Variants in SPAG6 observed in about 807,000 individuals in gnomAD.
The protein encoded by SPAG6 is sperm associated antigen 6, also known as sperm-associated antigen 6.
SPAG6 carries 49 observed loss-of-function variants against 58.5 expected under a neutral mutation model. The ratio of observed to expected loss-of-function variants is 0.84; its 90% CI spans 0.67 to 1.06. The LOEUF is 1.06. SPAG6 is among the 50% of genes least tolerant of loss of function. The probability of loss-of-function intolerance (pLI) is 0.00; values close to 1 mark genes in which losing one functional copy is unlikely to be tolerated. For missense variants in SPAG6, 560 were observed against 611.3 expected (o/e 0.92, Z 0.89); for synonymous variants, 233 against 225.6 (o/e 1.03, Z -0.29).
chr10:22,395,796 G>T (rs1191462285), intron 8 of SPAG6, among the ~76,000 whole-genome samples: 1 of 152,144 alleles, frequency 6.6e-6, no homozygotes, highest in African/African-American at 2.4e-5. Flanking sequence ...AGGTCATAAA[G>T]ATTTACTCCT....
intron 4 of SPAG6, among the ~76,000 whole-genome samples, chr10:22,374,314 A>C (rs1312757602): frequency 6.6e-6 from 1 of 152,206 alleles, no homozygotes; most frequent in Non-Finnish European, 1.5e-5. Flanking sequence ...CAATAAATTG[A>C]CTAAGACCTC....
chr10:22,374,760 A>G (rs2132063221), intron 4 of SPAG6, among the ~76,000 whole-genome samples: 1 of 151,958 alleles, frequency 6.6e-6, no homozygotes, highest in East Asian at 1.9e-4. Flanking sequence ...TGGGCAACAG[A>G]GTGAGACCCT....
chr10:22,386,795 TTAG>T lies in SPAG6; in HGVS notation c.517_519del (p.Val173del). 6.2e-7 allele frequency: 1 copy of T among 1,613,644 alleles called. No individual in the cohort carries two copies. Among genetic ancestry groups the T allele is most frequent in the Non-Finnish European group, 8.5e-7 (1 of 1,179,638 alleles). ...GGTGGATGCAGGAGCTGTTCCTCTTTTAGTACTCTGTATCCAGGAGCCAGAAAT... is the reference window on the plus strand; with the variant it reads ...GGTGGATGCAGGAGCTGTTCCTCTTTTACTCTGTATCCAGGAGCCAGAAAT... On this transcript the variant is annotated inframe_deletion, in exon 5 of 11. Coordinates refer to ENST00000376624, the MANE Select transcript of SPAG6 (RefSeq NM_012443.4).
chr10:22,364,993 C>G lies in SPAG6; in HGVS notation c.262C>G (p.Leu88Val), dbSNP rs1837154871. ...AVVKCDILPQ[L>V]VYSLAEQNRF... ...TGTGAAGTGCGACATTCTTCCACAG[C>G]TTGTTTATTCATTGGCAGAACAGAA... The change falls in exon 3 of 11, where the codon CTT (leucine) becomes GTT (valine). Residue 88 changes from leucine to valine, a missense_variant. Transcript: ENST00000376624. The G allele has an allele frequency of 3.1e-6, 5 of 1,606,214 alleles. No individual in the cohort carries two copies. The East Asian group carries it at 1.1e-4, about 36-fold the overall frequency.
At chr10:22,409,768 T>G (rs1391542270) in intron 9 of SPAG6, among the ~76,000 whole-genome samples, 1 of 152,114 alleles carries the variant, frequency 6.6e-6, no homozygotes, top group Admixed American at 6.5e-5. Context: ...CCCAGGACCT[T>G]CCTAGTCTGG....
At chr10:22,352,600 C>G (rs1311412937) in intron 2 of SPAG6, among the ~76,000 whole-genome samples, 3 of 152,188 alleles carry the variant, frequency 2.0e-5, no homozygotes, top group African/African-American at 7.2e-5. Context: ...TCACTGCAAC[C>G]TCCACCACCC....
Position 22,364,852 on chromosome 10 carries a change from G to C in SPAG6, c.122-1G>C. ...TTCTGTTCTTTCATAATTTAACTCA[G>C]GTGTAATGTCTTTGCTGAGAACTCT... On this transcript the variant is annotated splice_acceptor_variant, in intron 2 of 10. Coordinates refer to ENST00000376624, the MANE Select transcript of SPAG6 (RefSeq NM_012443.4). LOFTEE classifies it high-confidence loss of function. 1.3e-6 allele frequency: 2 copies of C among 1,597,796 alleles called. No individual in the cohort carries two copies. Among genetic ancestry groups the C allele is most frequent in the Non-Finnish European group, 1.7e-6 (2 of 1,173,868 alleles).
chr10:22,416,409 G>A (rs952545788), intron 10 of SPAG6, among the ~76,000 whole-genome samples: 2 of 152,094 alleles, frequency 1.3e-5, no homozygotes, highest in Non-Finnish European at 2.9e-5. Context: ...TAAATGTTTT[G>A]CTACTTCTGT....
chr10:22,413,715 C>T (rs1376891528), intron 10 of SPAG6, among the ~76,000 whole-genome samples: 1 of 131,710 alleles, frequency 7.6e-6, no homozygotes, highest in African/African-American at 4.4e-5. Context: ...ATATTTCACC[C>T]ACACAGGGCA....
chr10:22,403,962 G>A (rs1371166918), intron 9 of SPAG6, among the ~76,000 whole-genome samples: 6 of 150,920 alleles, frequency 4.0e-5, no homozygotes, highest in Admixed American at 1.3e-4. Context: ...CATGTCCTTC[G>A]CCCACTTTTT....
At position 22,417,029 on chromosome 10, in the gene SPAG6, C is replaced by T. The variant is rs886603484; in HGVS notation, c.*341C>T. The stretch of plus-strand genomic sequence containing the variant: ...AGTTAAGAGATGGCATTCAAAAACC[C>T]TAAATTATTCTAGCCAATTTGTCAT... On this transcript the variant is annotated 3_prime_UTR_variant, in exon 11 of 11. Transcript: ENST00000376624. 2.2e-5 allele frequency: 4 copies of T among 179,598 alleles called. No homozygotes were observed. Among genetic ancestry groups the T allele is most frequent in the African/African-American group, 4.7e-5 (2 of 42,214 alleles). 11.1% of individuals were successfully genotyped at this position (179,598 alleles called of 1,614,324 possible). A position where few individuals can be genotyped will look rare whatever the true frequency, so the allele number is the denominator to read the frequency against.
At chr10:22,406,846 G>T (rs1171553367) in intron 9 of SPAG6, among the ~76,000 whole-genome samples, 3 of 151,806 alleles carry the variant, frequency 2.0e-5, no homozygotes, top group African/African-American at 7.3e-5. Flanking sequence ...ATATATTTAG[G>T]ATAGTTAGCT....
chr10:22,355,226 G>A (rs1182525150), intron 2 of SPAG6, among the ~76,000 whole-genome samples: 1 of 152,156 alleles, frequency 6.6e-6, no homozygotes, highest in Non-Finnish European at 1.5e-5. Flanking sequence ...ATAGACGCGA[G>A]CCATGAAGAG....
At chr10:22,415,993 G>A (rs1834857084) in intron 10 of SPAG6, among the ~76,000 whole-genome samples, 1 of 152,048 alleles carries the variant, frequency 6.6e-6, no homozygotes, top group Non-Finnish European at 1.5e-5. Flanking sequence ...GAATGTAAAT[G>A]TATAGTACTA....
At chr10:22,346,443 T>TTCTTCTTCTTCC in intron 2 of SPAG6, among the ~76,000 whole-genome samples, 1 of 133,094 alleles carries the variant, frequency 7.5e-6, no homozygotes. Context: ...CTTCTTCTTC[T>TTCTTCTTCTTCC]TCTTCTTCTT....
chr10:22,352,987 A>T (rs1046124848), intron 2 of SPAG6, among the ~76,000 whole-genome samples: 1 of 152,138 alleles, frequency 6.6e-6, no homozygotes, highest in Non-Finnish European at 1.5e-5. Flanking sequence ...GCTATCTTCA[A>T]CCTACATTTC....
At chr10:22,389,409 T>A (rs1834136491) in intron 7 of SPAG6, 97 bp downstream of exon 7, 1 of 1,294,312 alleles carries the variant, frequency 7.7e-7, no homozygotes, top group Non-Finnish European at 1.1e-6. Context: ...TATAACTGAC[T>A]GGAGCAAAAA....
rs754559482 is a variant in SPAG6, at chr10:22,391,925, GTGCTTAATTC to G, written c.1197+8_1197+17del. On this transcript the variant is annotated splice_donor_region_variant and intron_variant, in intron 8 of 10. Coordinates refer to ENST00000376624, the MANE Select transcript of SPAG6 (RefSeq NM_012443.4). ...TCTGAGGATCTCCAAGTAAAAGTAAGTGCTTAATTCTGTTTTATGAAGATTTTGGCTCATT... is the reference window on the plus strand; with the variant it reads ...TCTGAGGATCTCCAAGTAAAAGTAAGTGTTTTATGAAGATTTTGGCTCATT... The G allele has an allele frequency of 1.9e-6, 3 of 1,601,306 alleles. No individual in the cohort carries two copies. The African/African-American group carries it at 4.0e-5, about 21-fold the overall frequency.
chr10:22,408,555 CACTTA>C lies in SPAG6; in HGVS notation c.1315-2474_1315-2470del, dbSNP rs762273346. Reference sequence around the variant, plus strand: ...TCTCTTCAAAGCTGTCAGACAGGGACACTTAAGTCTGCAGAGGTTACTGCTGTCTT... The same window carrying C: ...TCTCTTCAAAGCTGTCAGACAGGGACAGTCTGCAGAGGTTACTGCTGTCTT... On this transcript the variant is annotated intron_variant, in intron 9 of 10. Coordinates refer to ENST00000376624, the MANE Select transcript of SPAG6 (RefSeq NM_012443.4). Among the ~76,000 whole-genome samples, 12 of 150,090 alleles carry C rather than the reference CACTTA, an allele frequency of 8.0e-5. No homozygotes were observed. The East Asian group carries it at 2.4e-3, about 30-fold the overall frequency.
Sources: allele counts gnomAD v4.1 joint callset (sites outside exome capture counted in the v4.1 genomes callset), GRCh38; gene constraint gnomAD v4.1.1; transcripts MANE v1.5; gene names NCBI Gene and HGNC (gene_info 2026-07-23, HGNC 2026-07-21).